UBE2E1: variants seen among roughly 807,000 people sequenced by gnomAD.
UBE2E1 encodes ubiquitin conjugating enzyme E2 E1.
In UBE2E1, 6 loss-of-function variants were observed where a neutral mutation model predicts 21.4. The observed-to-expected ratio is 0.28, with a 90% CI of 0.15 to 0.55. The LOEUF (loss-of-function observed/expected upper bound fraction) is 0.55, where lower values mean the gene tolerates loss of function less well. Among genes scored for constraint, UBE2E1 ranks in the 20% least tolerant of loss-of-function variants. UBE2E1 has a pLI of 0.93. For missense variants in UBE2E1, 142 were observed against 236.5 expected (o/e 0.60, Z 2.62); for synonymous variants, 87 against 82.7 (o/e 1.05, Z -0.28).
intron 3 of UBE2E1, among the ~76,000 whole-genome samples, chr3:23,872,616 TACCATATTC>T (rs1207810950): frequency 1.3e-5 from 2 of 152,342 alleles, no homozygotes; most frequent in Non-Finnish European, 2.9e-5. Flanking sequence ...TATGGATTTT[TACCATATTC>T]ACAATTAAAA....
chr3:23,863,590 G>A lies in UBE2E1; in HGVS notation c.204-23977G>A, dbSNP rs140509224. The stretch of plus-strand genomic sequence containing the variant: ...TTGTTGCGCAGGCTGGAGTGCAGTG[G>A]CGCGATCTCAACTCACCGCAACCTC... On this transcript the variant is annotated intron_variant, in intron 3 of 5. Transcript: ENST00000306627. The surrounding 1 kb of genome is among the most constrained non-coding windows in gnomAD (Gnocchi z 4.3). 2.1e-4 allele frequency among the ~76,000 whole-genome samples: 32 copies of A among 152,278 alleles called. No individual in the cohort carries two copies. The highest frequency in any genetic ancestry group is 5.8e-4 in the African/African-American group (24 of 41,550).
rs1700113166 is a variant in UBE2E1 at position 23,842,314 on chromosome 3, A to G, written c.203+30804A>G. 6.7e-6 allele frequency among the ~76,000 whole-genome samples: 1 copy of G among 150,106 alleles called. No homozygotes were observed. Among genetic ancestry groups the G allele is most frequent in the African/African-American group, 2.5e-5 (1 of 40,710 alleles). Reference sequence around the variant, plus strand: ...TAGGCTGGGATGCAGTGGTGCAGTCACGACTCACTGCAGCCTCAACCTCAT... The same window carrying G: ...TAGGCTGGGATGCAGTGGTGCAGTCGCGACTCACTGCAGCCTCAACCTCAT... On this transcript the variant is annotated intron_variant, in intron 3 of 5. Coordinates refer to ENST00000306627, the MANE Select transcript of UBE2E1 (RefSeq NM_003341.5). The surrounding 1 kb of genome is among the most constrained non-coding windows in gnomAD (Gnocchi z 4.6).
In UBE2E1 at chr3:23,875,746, A is replaced by G. The variant is rs191436389; in HGVS notation, c.204-11821A>G. Among the ~76,000 whole-genome samples the G allele has an allele frequency of 8.5e-5, 13 of 152,342 alleles. No individual in the cohort carries two copies. In the East Asian group the frequency reaches 2.5e-3, roughly 29 times the overall value. ...CTATTTAGCCCCACCGTGTTCCAGT[A>G]TAACTTCCTTGATACAGTGGATACC... On this transcript the variant is annotated intron_variant, in intron 3 of 5. Transcript: ENST00000306627.
intron 3 of UBE2E1, among the ~76,000 whole-genome samples, chr3:23,882,484 G>T (rs984185407): frequency 1.2e-4 from 19 of 152,380 alleles, no homozygotes; most frequent in Non-Finnish European, 2.6e-4. Flanking sequence ...TGGATCCTGT[G>T]CCGGGGCTGC....
intron 2 of UBE2E1, among the ~76,000 whole-genome samples, chr3:23,809,644 TAAAGA>T (rs1237067853): frequency 3.9e-5 from 6 of 152,334 alleles, no homozygotes; most frequent in Middle Eastern, 6.8e-3. Flanking sequence ...TCTTAGGTAT[TAAAGA>T]AACAACTACC....
intron 1 of UBE2E1, 69 bp from the exon 2 acceptor site, chr3:23,807,168 C>T (rs1699297251): frequency 7.3e-6 from 10 of 1,360,570 alleles, no homozygotes; most frequent in Middle Eastern, 5.0e-4. Context: ...CTCCTGACAG[C>T]ACCCGAGTTC....
At chr3:23,860,229 C>G (rs762511010) in intron 3 of UBE2E1, among the ~76,000 whole-genome samples, 1 of 152,198 alleles carries the variant, frequency 6.6e-6, no homozygotes, top group Non-Finnish European at 1.5e-5. Context: ...CTGACCCGCT[C>G]AGGTTTCTGT....
chr3:23,886,351 C>G (rs1034123623), intron 3 of UBE2E1, among the ~76,000 whole-genome samples: 2 of 152,208 alleles, frequency 1.3e-5, no homozygotes, highest in Non-Finnish European at 2.9e-5. Context: ...CTTTCTCTCA[C>G]TTAATTCTGA....
intron 3 of UBE2E1, among the ~76,000 whole-genome samples, chr3:23,881,944 C>A (rs1026855505): frequency 2.0e-5 from 3 of 151,706 alleles, no homozygotes; most frequent in African/African-American, 7.3e-5. Flanking sequence ...CTGTTCGTTC[C>A]TCCCGTCCGG....
chr3:23,859,092 T>C (rs1486019329), intron 3 of UBE2E1, among the ~76,000 whole-genome samples: 1 of 152,202 alleles, frequency 6.6e-6, no homozygotes, highest in Non-Finnish European at 1.5e-5. Flanking sequence ...ATGGAACTGA[T>C]TGCTAGTCTA....
rs1290462293 is a variant in UBE2E1, at chr3:23,887,135, G to T, written c.204-432G>T. Among the ~76,000 whole-genome samples, 1 of 152,134 alleles carries T rather than the reference G, an allele frequency of 6.6e-6. No homozygotes were observed. The highest frequency in any genetic ancestry group is 1.5e-5 in the Non-Finnish European group (1 of 68,014). ...TGAGATTATGGAGATAGAAGAGCAAGGAAGAGCCAGTTAGTGGGTCAGAAA... is the reference window on the plus strand; with the variant it reads ...TGAGATTATGGAGATAGAAGAGCAATGAAGAGCCAGTTAGTGGGTCAGAAA... On this transcript the variant is annotated intron_variant, in intron 3 of 5. Coordinates refer to ENST00000306627, the MANE Select transcript of UBE2E1 (RefSeq NM_003341.5). The surrounding 1 kb of genome is among the most constrained non-coding windows in gnomAD (Gnocchi z 4.4).
intron 2 of UBE2E1, among the ~76,000 whole-genome samples, 172 bp from the exon 3 acceptor site, chr3:23,811,288 A>G (rs1699385113): frequency 6.6e-6 from 1 of 152,200 alleles, no homozygotes; most frequent in African/African-American, 2.4e-5. Flanking sequence ...TTCCTCCGTG[A>G]AAAGTTTTTT....
chr3:23,827,554 T>G (rs1559478599), intron 3 of UBE2E1, among the ~76,000 whole-genome samples: 1 of 152,188 alleles, frequency 6.6e-6, no homozygotes. Flanking sequence ...GTCACTAGGC[T>G]CTTAAGTGGA....
intron 3 of UBE2E1, among the ~76,000 whole-genome samples, chr3:23,866,729 C>T (rs1321672132): frequency 6.6e-6 from 1 of 152,072 alleles, no homozygotes; most frequent in East Asian, 1.9e-4. Flanking sequence ...TTATTTTCAC[C>T]TAATTGATTT....
chr3:23,886,693 G>C (rs1307061756), intron 3 of UBE2E1, among the ~76,000 whole-genome samples: 2 of 152,170 alleles, frequency 1.3e-5, no homozygotes, highest in African/African-American at 2.4e-5. Context: ...TTTGTAACCA[G>C]TTAGCAGAGG....
At chr3:23,886,913 G>A (rs555390652) in intron 3 of UBE2E1, among the ~76,000 whole-genome samples, 127 of 152,318 alleles carry the variant, frequency 8.3e-4, no homozygotes, top group African/African-American at 2.9e-3. Context: ...GTACCCAAGT[G>A]TATGTAACAG....
At chr3:23,879,161 T>A (rs569580108) in intron 3 of UBE2E1, 16 of 713,548 alleles carry the variant, frequency 2.2e-5, no homozygotes, top group South Asian at 1.8e-4. Context: ...TTTTATGAAG[T>A]TAAGTTTTAG....
chr3:23,872,024 G>C (rs889183363), intron 3 of UBE2E1, among the ~76,000 whole-genome samples: 13 of 151,960 alleles, frequency 8.6e-5, no homozygotes, highest in Admixed American at 3.3e-4. Context: ...AGGCAGGCGG[G>C]TGGGAGGTGG....
intron 3 of UBE2E1, among the ~76,000 whole-genome samples, chr3:23,860,225 C>T (rs564164637): frequency 3.0e-4 from 45 of 152,310 alleles, no homozygotes; most frequent in Non-Finnish European, 5.1e-4. Context: ...CGTTCTGACC[C>T]GCTCAGGTTT....
Sources: allele counts gnomAD v4.1 joint callset (sites outside exome capture counted in the v4.1 genomes callset), GRCh38; gene constraint gnomAD v4.1.1; non-coding constraint Gnocchi (gnomAD v3.1); transcripts MANE v1.5; gene names NCBI Gene and HGNC (gene_info 2026-07-23, HGNC 2026-07-21).